Variants in ZBBX observed in about 807,000 individuals in gnomAD.
ZBBX encodes zinc finger B-box domain containing.
ZBBX carries 101 observed loss-of-function variants against 108.5 expected under a neutral mutation model. That is an observed-to-expected ratio of 0.93 (90% confidence interval 0.79 to 1.10). The LOEUF (loss-of-function observed/expected upper bound fraction) is 1.10. Ranked by LOEUF, ZBBX falls within the 50% of genes least tolerant of loss-of-function variation. The probability of loss-of-function intolerance (pLI) is 0.00; values close to 1 mark genes in which losing one functional copy is unlikely to be tolerated. For missense variants in ZBBX, 1,009 were observed against 941.4 expected, an observed-to-expected ratio of 1.07 and a Z score of -0.94; for synonymous variants, 356 against 323.4, an observed-to-expected ratio of 1.10 and a Z score of -1.08.
Position 167,275,287 on chromosome 3 carries a change from G to A in ZBBX, c.2254+6951C>T, listed in dbSNP as rs956962528. The stretch of plus-strand genomic sequence containing the variant: ...TCACTTGGGAGGAGCCAAGATGGCC[G>A]AATAGGAACAGCTCCGGTCTACAGC... On this transcript the variant is annotated intron_variant, in intron 20 of 21. Transcript: ENST00000675490. Among the ~76,000 whole-genome samples the A allele has an allele frequency of 8.5e-5, 13 of 152,256 alleles. No individual in the cohort carries two copies. The East Asian group carries it at 1.4e-3, about 16-fold the overall frequency.
chr3:167,284,356 G>A (rs547498158), intron 19 of ZBBX, among the ~76,000 whole-genome samples: 207 of 152,142 alleles, frequency 1.4e-3, no homozygotes, highest in African/African-American at 4.7e-3. Context: ...AGCAGTAGCT[G>A]CACAAGTCAG....
the ZBBX span, among the ~76,000 whole-genome samples, chr3:167,200,324 T>A: frequency 6.6e-6 from 1 of 152,168 alleles, no homozygotes; most frequent in Non-Finnish European, 1.5e-5. Context: ...TGAGACATAA[T>A]TACACTAAAT....
At chr3:167,319,938 T>C (rs541003928) in intron 12 of ZBBX, among the ~76,000 whole-genome samples, 3 of 151,884 alleles carry the variant, frequency 2.0e-5, no homozygotes, top group African/African-American at 4.8e-5. Context: ...TGTGAATGCA[T>C]GTTACTTTAA....
rs2108294801 is a variant in ZBBX at position 167,317,114 on chromosome 3, T to C, written c.1094-9A>G. 6.6e-7 allele frequency: 1 copy of C among 1,522,774 alleles called. No individual in the cohort carries two copies. Among genetic ancestry groups the C allele is most frequent in the East Asian group, 2.3e-5 (1 of 44,192 alleles). The allele number at this position is 1,522,774 out of a possible 1,614,324, so 94.3% of individuals were successfully genotyped here. A position where few individuals can be genotyped will look rare whatever the true frequency, so the allele number is the denominator to read the frequency against. On this transcript the variant is annotated splice_polypyrimidine_tract_variant and intron_variant, in intron 13 of 21. Coordinates refer to ENST00000675490, the MANE Select transcript of ZBBX (RefSeq NM_001199201.2). ...TACTTTGGTCTCCTCACCTAGGAAATAAGATTCACAAATAATATCATCAAA... is the reference window on the plus strand; with the variant it reads ...TACTTTGGTCTCCTCACCTAGGAAACAAGATTCACAAATAATATCATCAAA...
At chr3:167,300,927 T>C (rs1732553637) in intron 17 of ZBBX, among the ~76,000 whole-genome samples, 1 of 151,666 alleles carries the variant, frequency 6.6e-6, no homozygotes, top group African/African-American at 2.4e-5. Context: ...TTTTTTTTTT[T>C]TTTTTTAACT....
At chr3:167,357,003 T>C (rs1743687824) in intron 8 of ZBBX, among the ~76,000 whole-genome samples, 1 of 152,138 alleles carries the variant, frequency 6.6e-6, no homozygotes, top group African/African-American at 2.4e-5. Flanking sequence ...CACATTAAAA[T>C]AGTGATGCCT....
At chr3:167,407,511 A>G (rs994359655) in intron 1 of ZBBX, among the ~76,000 whole-genome samples, 7 of 152,264 alleles carry the variant, frequency 4.6e-5, no homozygotes, top group African/African-American at 1.7e-4. Flanking sequence ...AAACTTAAGT[A>G]CTAATAGCCT....
intron 9 of ZBBX, among the ~76,000 whole-genome samples, chr3:167,337,790 A>T (rs191298903): frequency 1.3e-5 from 2 of 152,276 alleles, no homozygotes; most frequent in African/African-American, 4.8e-5. Context: ...GAGTAACAAC[A>T]ATGAATAAGA....
chr3:167,253,554 TCC>T (rs1722974035), intron 20 of ZBBX, among the ~76,000 whole-genome samples: 1 of 151,904 alleles, frequency 6.6e-6, no homozygotes, highest in East Asian at 1.9e-4. Flanking sequence ...AAAGCTGAGC[TCC>T]CCAGTCCTAT....
rs1433353896 is a variant in ZBBX at position 167,240,606 on chromosome 3, T to C, written c.*187A>G. The C allele has an allele frequency of 1.9e-6, 1 of 538,272 alleles. No individual in the cohort carries two copies. The highest frequency in any genetic ancestry group is 3.2e-6 in the Non-Finnish European group (1 of 314,174). 33.3% of individuals were successfully genotyped at this position (538,272 alleles called of 1,614,324 possible). On this transcript the variant is annotated 3_prime_UTR_variant, in exon 22 of 22. Transcript: ENST00000675490. ...GCAATATAGATTAGTGGTTGACATATAATATATCATTGGAAGAATAAGCCC... is the reference window on the plus strand; with the variant it reads ...GCAATATAGATTAGTGGTTGACATACAATATATCATTGGAAGAATAAGCCC...
intron 1 of ZBBX, among the ~76,000 whole-genome samples, chr3:167,394,705 T>C (rs1748177479): frequency 6.6e-6 from 1 of 151,972 alleles, no homozygotes; most frequent in African/African-American, 2.4e-5. Flanking sequence ...ACTTGACATA[T>C]TGAGAAATTA....
chr3:167,330,945 T>TTCTCTCTCTC (rs151154237), intron 10 of ZBBX, among the ~76,000 whole-genome samples: 17 of 87,212 alleles, frequency 1.9e-4, no homozygotes, highest in South Asian at 1.0e-3. Flanking sequence ...CTCTCTTTCT[T>TTCTCTCTCTC]TCTCTCTCTC....
At chr3:167,399,893 T>C (rs976965507) in intron 1 of ZBBX, among the ~76,000 whole-genome samples, 4 of 152,130 alleles carry the variant, frequency 2.6e-5, no homozygotes, top group Admixed American at 1.3e-4. Context: ...CCTCAGCATC[T>C]ACTGTTCCTG....
chr3:167,340,951 A>G (rs1272026255), intron 9 of ZBBX, among the ~76,000 whole-genome samples: 8 of 151,960 alleles, frequency 5.3e-5, no homozygotes, highest in Admixed American at 2.0e-4. Flanking sequence ...CTAAAAACAG[A>G]TATGGTATTT....
chr3:167,299,643 T>A (rs767384804), intron 17 of ZBBX, among the ~76,000 whole-genome samples: 1 of 152,160 alleles, frequency 6.6e-6, no homozygotes, highest in Non-Finnish European at 1.5e-5. Flanking sequence ...GCCCTACAAA[T>A]TAGTACTTAA....
At chr3:167,200,350 T>C in the ZBBX span, among the ~76,000 whole-genome samples, 2 of 152,184 alleles carry the variant, frequency 1.3e-5, no homozygotes, top group African/African-American at 2.4e-5. Flanking sequence ...GATTTGAAAT[T>C]AAAATTTAAC....
chr3:167,206,922 C>T, the ZBBX span, among the ~76,000 whole-genome samples: 5 of 151,994 alleles, frequency 3.3e-5, no homozygotes, highest in East Asian at 7.7e-4. Context: ...TTGAGAAAAC[C>T]GGATATCCAC....
intron 20 of ZBBX, among the ~76,000 whole-genome samples, chr3:167,255,471 A>G (rs571211887): frequency 3.9e-5 from 6 of 152,244 alleles, no homozygotes; most frequent in Non-Finnish European, 7.4e-5. Flanking sequence ...AAACTTTACA[A>G]AACAAGAAAC....
In ZBBX at chr3:167,378,499, C is replaced by T. The variant is rs546106179; in HGVS notation, c.-132+1139G>A. On this transcript the variant is annotated intron_variant, in intron 2 of 21. Transcript: ENST00000675490. ...TTGTGTGATAGAAATCTCTGAGCTT[C>T]AGCTTATCCATGTAGAAAATGGTAA... Among the ~76,000 whole-genome samples, 2 of 152,292 alleles carry T rather than the reference C, an allele frequency of 1.3e-5. 1 individual carries two copies. Among genetic ancestry groups the T allele is most frequent in the South Asian group, 4.1e-4 (2 of 4,826 alleles).
Sources: gnomAD v4.1 joint callset for allele counts (sites outside exome capture counted in the v4.1 genomes callset) on GRCh38, gnomAD v4.1.1 for gene constraint, MANE v1.5 for transcripts, NCBI Gene and HGNC (gene_info 2026-07-23, HGNC 2026-07-21) for gene names.